PDE4D: variants seen among roughly 807,000 people sequenced by gnomAD.
The protein encoded by PDE4D is 3',5'-cyclic-AMP phosphodiesterase 4D.
Under a neutral mutation model 87.4 loss-of-function variants are expected in PDE4D, and 24 were observed. That is an observed-to-expected ratio of 0.27 (90% confidence interval 0.20 to 0.39). PDE4D has a LOEUF of 0.39. Among genes scored for constraint, PDE4D ranks in the 10% least tolerant of loss-of-function variants. The probability of loss-of-function intolerance (pLI) is 1.00; values close to 1 mark genes in which losing one functional copy is unlikely to be tolerated. For synonymous variants in PDE4D, 384 were observed against 383.2 expected (o/e 1.00, Z -0.02); for missense variants, 714 against 1,041.0 (o/e 0.69, Z 4.32).
rs542364700 is a variant in PDE4D at position 59,921,538 on chromosome 5, G to A, written c.272+66950C>T. Among the ~76,000 whole-genome samples the A allele has an allele frequency of 4.5e-4, 69 of 152,166 alleles. No homozygotes were observed. In the South Asian group the frequency reaches 0.014, roughly 30 times the overall value. Reference sequence around the variant, plus strand: ...TGTTGTAACCATATCATTGATTTTTGTTGTTTGAAATGTGATGTTGATGAT... The same window carrying A: ...TGTTGTAACCATATCATTGATTTTTATTGTTTGAAATGTGATGTTGATGAT... On this transcript the variant is annotated intron_variant, in intron 3 of 16. Coordinates refer to the PDE4D transcript ENST00000502484.
chr5:59,214,286 G>A (rs1052675462), intron 2 of PDE4D, among the ~76,000 whole-genome samples: 3 of 152,094 alleles, frequency 2.0e-5, no homozygotes, highest in Non-Finnish European at 4.4e-5. Flanking sequence ...CCAAAACTCA[G>A]CTAAAAACCT....
At chr5:60,127,925 A>AATT (rs1779252387) in intron 2 of PDE4D, among the ~76,000 whole-genome samples, 1 of 152,152 alleles carries the variant, frequency 6.6e-6, no homozygotes, top group African/African-American at 2.4e-5. Flanking sequence ...GCCAACACTT[A>AATT]ATGGTCAAAT....
intron 1 of PDE4D, among the ~76,000 whole-genome samples, chr5:60,423,793 T>C (rs1176904190): frequency 6.6e-6 from 1 of 151,962 alleles, no homozygotes; most frequent in East Asian, 1.9e-4. Flanking sequence ...AATAGACTGC[T>C]AGCAAGACTA....
intron 3 of PDE4D, among the ~76,000 whole-genome samples, chr5:59,976,915 C>G (rs1407491331): frequency 6.6e-6 from 1 of 152,100 alleles, no homozygotes; most frequent in Non-Finnish European, 1.5e-5. Flanking sequence ...ACAAACCATG[C>G]CCATGTAAGA....
At chr5:59,657,920 C>CAAATT (rs1360005350) in intron 1 of PDE4D, among the ~76,000 whole-genome samples, 5 of 152,128 alleles carry the variant, frequency 3.3e-5, no homozygotes, top group African/African-American at 1.2e-4. Context: ...TATTCCTCTG[C>CAAATT]AAATTAACAC....
At chr5:59,884,279 A>G (rs1392277430) in intron 1 of PDE4D, among the ~76,000 whole-genome samples, 2 of 151,358 alleles carry the variant, frequency 1.3e-5, no homozygotes, top group Non-Finnish European at 3.0e-5. Context: ...TATAGATATA[A>G]ATACACACAC....
At chr5:59,560,321 A>G (rs915928159) in intron 1 of PDE4D, among the ~76,000 whole-genome samples, 3 of 152,192 alleles carry the variant, frequency 2.0e-5, no homozygotes, top group Non-Finnish European at 2.9e-5. Flanking sequence ...TTTATGTCTT[A>G]TAGCATGTAA....
chr5:59,949,248 G>A (rs1018029989), intron 3 of PDE4D, among the ~76,000 whole-genome samples: 4 of 152,144 alleles, frequency 2.6e-5, no homozygotes, highest in South Asian at 4.1e-4. Context: ...TGGCTATCAC[G>A]GTGAAACCCC....
intron 2 of PDE4D, among the ~76,000 whole-genome samples, chr5:60,118,937 C>T (rs920870718): frequency 1.3e-5 from 2 of 152,068 alleles, no homozygotes; most frequent in Non-Finnish European, 2.9e-5. Context: ...ACCACAGCAC[C>T]AGACTGTAAG....
chr5:60,347,550 A>T (rs1020257623), intron 1 of PDE4D, among the ~76,000 whole-genome samples: 4 of 152,164 alleles, frequency 2.6e-5, no homozygotes, highest in Non-Finnish European at 5.9e-5. Flanking sequence ...TCTCACAGAA[A>T]TATTGAAAAT....
chr5:59,647,358 C>T (rs1479575369), intron 1 of PDE4D, among the ~76,000 whole-genome samples: 1 of 151,650 alleles, frequency 6.6e-6, no homozygotes, highest in Non-Finnish European at 1.5e-5. Context: ...TTTAGATAAA[C>T]TGAGGTCTGT....
chr5:59,665,639 C>G (rs966535916), intron 1 of PDE4D, among the ~76,000 whole-genome samples: 5 of 152,200 alleles, frequency 3.3e-5, no homozygotes, highest in African/African-American at 1.2e-4. Context: ...CAGCTATGAT[C>G]TGAACATTGG....
At chr5:60,276,996 C>T (rs1751435824) in intron 1 of PDE4D, among the ~76,000 whole-genome samples, 1 of 151,782 alleles carries the variant, frequency 6.6e-6, no homozygotes, top group Admixed American at 6.6e-5. Flanking sequence ...TCCATAATGC[C>T]AGTCTTTGTT....
At chr5:59,109,820 C>G (rs1459819962) in intron 5 of PDE4D, among the ~76,000 whole-genome samples, 1 of 152,184 alleles carries the variant, frequency 6.6e-6, no homozygotes, top group African/African-American at 2.4e-5. Flanking sequence ...GTCCAAGAGA[C>G]TCCCAGGCTG....
At chr5:59,555,486 C>T (rs1465877084) in intron 1 of PDE4D, among the ~76,000 whole-genome samples, 2 of 152,038 alleles carry the variant, frequency 1.3e-5, no homozygotes, top group East Asian at 3.9e-4. Flanking sequence ...CATATGTACC[C>T]CTGAACCTAA....
chr5:59,652,038 G>A lies in PDE4D; in HGVS notation c.455+241130C>T, dbSNP rs554617673. Among the ~76,000 whole-genome samples, 3 of 152,334 alleles carry A rather than the reference G, an allele frequency of 2.0e-5. No homozygotes were observed. The South Asian group carries it at 6.2e-4, about 32-fold the overall frequency. On this transcript the variant is annotated intron_variant, in intron 1 of 14. Coordinates refer to ENST00000340635, the MANE Select transcript of PDE4D (RefSeq NM_001104631.2). Reference sequence around the variant, plus strand: ...TAGGACAACTCTCAAGGGCATGCCAGCTTCGGAACTGTCTATTGGCTCTGC... The same window carrying A: ...TAGGACAACTCTCAAGGGCATGCCAACTTCGGAACTGTCTATTGGCTCTGC...
At chr5:60,363,140 A>G in intron 1 of PDE4D, among the ~76,000 whole-genome samples, 1 of 152,194 alleles carries the variant, frequency 6.6e-6, no homozygotes, top group East Asian at 1.9e-4. Flanking sequence ...GTCTGCAAAA[A>G]TGTCATCAGC....
intron 2 of PDE4D, among the ~76,000 whole-genome samples, chr5:60,125,872 G>T (rs1402649371): frequency 1.3e-5 from 2 of 152,130 alleles, no homozygotes; most frequent in Non-Finnish European, 2.9e-5. Context: ...TACGGAAAAG[G>T]TAAGTGCTCA....
chr5:59,630,352 T>C (rs1483797821), intron 1 of PDE4D, among the ~76,000 whole-genome samples: 1 of 152,172 alleles, frequency 6.6e-6, no homozygotes, highest in Non-Finnish European at 1.5e-5. Flanking sequence ...TCAGGATACA[T>C]CTATTTCTTA....
Sources: gnomAD v4.1 joint callset for allele counts (sites outside exome capture counted in the v4.1 genomes callset) on GRCh38, gnomAD v4.1.1 for gene constraint, MANE v1.5 for transcripts, NCBI Gene and HGNC (gene_info 2026-07-23, HGNC 2026-07-21) for gene names.